The following USP25 variants were observed in gnomAD, a reference collection of about 807,000 sequenced individuals.
USP25 encodes the protein ubiquitin carboxyl-terminal hydrolase 25.
Under a neutral mutation model 158.5 loss-of-function variants are expected in USP25, and 85 were observed. The observed-to-expected ratio is 0.54, with a 90% CI of 0.45 to 0.64. USP25 has a LOEUF of 0.64. USP25 is among the 30% of genes least tolerant of loss of function. USP25 has a pLI of 0.00. For missense variants in USP25, 1,242 were observed against 1,327.3 expected (o/e 0.94, Z 1.00); for synonymous variants, 464 against 460.4 (o/e 1.01, Z -0.10).
intron 1 of USP25, among the ~76,000 whole-genome samples, chr21:15,740,785 T>C (rs1211656208): frequency 6.6e-6 from 1 of 151,802 alleles, no homozygotes. Context: ...AGATTAGTAT[T>C]CTTTGTACAA....
chr21:15,836,879 T>G (rs1216884008), intron 17 of USP25, among the ~76,000 whole-genome samples: 1 of 144,702 alleles, frequency 6.9e-6, no homozygotes, highest in Non-Finnish European at 1.5e-5. Flanking sequence ...ACCTGAATAC[T>G]GTTGTTGAGA....
chr21:15,752,378 G>A (rs1389963618), intron 1 of USP25, among the ~76,000 whole-genome samples: 1 of 152,080 alleles, frequency 6.6e-6, no homozygotes, highest in East Asian at 1.9e-4. Flanking sequence ...ACCATGCCTG[G>A]CTAATTTTTG....
intron 3 of USP25, among the ~76,000 whole-genome samples, chr21:15,771,830 C>G (rs2123462510): frequency 6.6e-6 from 1 of 152,250 alleles, no homozygotes; most frequent in East Asian, 1.9e-4. Context: ...AAACTCTTCA[C>G]TACCCAGTTT....
chr21:15,825,122 A>G (rs965233356), intron 12 of USP25, 61 bp downstream of exon 12: 1 of 1,262,364 alleles, frequency 7.9e-7, no homozygotes, highest in South Asian at 1.4e-5. Flanking sequence ...TGGTGACTAG[A>G]TTTTTAATTT....
At chr21:15,842,277 TTGAA>T (rs1416514913) in intron 17 of USP25, 117 bp from the exon 18 acceptor site, 4 of 1,076,992 alleles carry the variant, frequency 3.7e-6, no homozygotes, top group African/African-American at 1.6e-5. Flanking sequence ...ATATTTTACT[TTGAA>T]TGGAAGACTA....
rs529402465 is a variant in USP25, at chr21:15,778,280, C to A, written c.392+253C>A. On this transcript the variant is annotated intron_variant, in intron 4 of 25. Transcript: ENST00000400183. ...TAGGTGCATATTTTAATATTTCTTT[C>A]ATTTTTTTTCTTCCCCTAATCTTTT... Among the ~76,000 whole-genome samples, 85 of 152,060 alleles carry A rather than the reference C, an allele frequency of 5.6e-4. 1 individual carries two copies. Among genetic ancestry groups the A allele is most frequent in the Middle Eastern group, 6.8e-3 (2 of 294 alleles).
At chr21:15,740,882 C>T (rs548512791) in intron 1 of USP25, among the ~76,000 whole-genome samples, 1 of 151,790 alleles carries the variant, frequency 6.6e-6, no homozygotes, top group African/African-American at 2.4e-5. Context: ...CACCACCCCC[C>T]ACCCCCACAC....
chr21:15,852,272 T>C (rs1438651963), intron 20 of USP25, among the ~76,000 whole-genome samples: 1 of 152,010 alleles, frequency 6.6e-6, no homozygotes, highest in African/African-American at 2.4e-5. Flanking sequence ...TTTTTTCTGC[T>C]GGAAAAACAC....
At chr21:15,744,522 C>T (rs2032359581) in intron 1 of USP25, among the ~76,000 whole-genome samples, 1 of 152,000 alleles carries the variant, frequency 6.6e-6, no homozygotes, top group East Asian at 1.9e-4. Flanking sequence ...CCATGTTGGC[C>T]AGGCTGGTCT....
chr21:15,853,052 A>G (rs577412423), intron 20 of USP25, among the ~76,000 whole-genome samples: 46 of 152,292 alleles, frequency 3.0e-4, no homozygotes, highest in African/African-American at 1.1e-3. Flanking sequence ...AAAACTAACA[A>G]TGACAGTCTC....
rs147314273 is a variant in USP25, at chr21:15,745,633, G to A, written c.45+15195G>A. Among the ~76,000 whole-genome samples the A allele has an allele frequency of 2.4e-3, 365 of 151,640 alleles. 5 individuals are homozygous for A. The highest frequency in any genetic ancestry group is 0.01 in the Middle Eastern group (3 of 292). ...TGGGATTACAGGCATGCACCACCAC[G>A]CTCAGCTAATTTTTGTATTTTTAGT... On this transcript the variant is annotated intron_variant, in intron 1 of 25. Transcript: ENST00000400183.
rs777273218 is a variant in USP25, at chr21:15,830,518, C to T, written c.1694-13C>T. The T allele has an allele frequency of 8.1e-6, 13 of 1,596,948 alleles. No homozygotes were observed. The highest frequency in any genetic ancestry group is 2.3e-5 in the East Asian group (1 of 44,202). ...TTTGCTGTTAATCATTAAATGACAC[C>T]TTATATCCTTAGATTTGCAGGAAAG... On this transcript the variant is annotated splice_polypyrimidine_tract_variant and intron_variant, in intron 14 of 25. Coordinates refer to ENST00000400183, the MANE Select transcript of USP25 (RefSeq NM_001283041.3).
At chr21:15,786,626 C>T (rs574684277) in intron 4 of USP25, among the ~76,000 whole-genome samples, 16 of 152,074 alleles carry the variant, frequency 1.1e-4, no homozygotes, top group African/African-American at 1.9e-4. Context: ...TACCTCAACA[C>T]GGTAAAGACC....
chr21:15,854,911 G>A (rs1474675397), intron 20 of USP25, among the ~76,000 whole-genome samples: 1 of 152,144 alleles, frequency 6.6e-6, no homozygotes, highest in Non-Finnish European at 1.5e-5. Context: ...GTTAAAACTA[G>A]TTTCTACTAT....
At chr21:15,798,612 C>G (rs776697582) in intron 5 of USP25, among the ~76,000 whole-genome samples, 4 of 151,090 alleles carry the variant, frequency 2.6e-5, no homozygotes, top group African/African-American at 9.7e-5. Context: ...TAGTGTCTGG[C>G]ATATAGTAGA....
At chr21:15,831,680 C>A in intron 16 of USP25, 51 bp downstream of exon 16, 1 of 1,479,794 alleles carries the variant, frequency 6.8e-7, no homozygotes, top group East Asian at 2.3e-5. Flanking sequence ...AAAAGTGGCT[C>A]TGGTATGTGG....
At chr21:15,873,984 T>C (rs1354646314) in intron 23 of USP25, among the ~76,000 whole-genome samples, 1 of 152,120 alleles carries the variant, frequency 6.6e-6, no homozygotes, top group Non-Finnish European at 1.5e-5. Flanking sequence ...TAAGTTGTCA[T>C]TGAACAAACC....
intron 1 of USP25, among the ~76,000 whole-genome samples, chr21:15,737,823 G>A (rs922650056): frequency 9.3e-5 from 14 of 150,794 alleles, no homozygotes; most frequent in African/African-American, 3.2e-4. Flanking sequence ...AAGTGTTTTG[G>A]ATTTTGGACT....
In USP25 at chr21:15,730,312, G is replaced by C. The variant is rs2030656667; in HGVS notation, c.-82G>C. On this transcript the variant is annotated 5_prime_UTR_variant, in exon 1 of 26. Coordinates refer to ENST00000400183, the MANE Select transcript of USP25 (RefSeq NM_001283041.3). ...CCGTCCGCGCCGCTCCCTGGAGCTC[G>C]GCGGAGCGCGGCAGCCAGGGCCGGC... 1.9e-6 allele frequency: 2 copies of C among 1,026,934 alleles called. No homozygotes were observed. Among genetic ancestry groups the C allele is most frequent in the Non-Finnish European group, 1.2e-6 (1 of 858,488 alleles). 63.6% of individuals were successfully genotyped at this position (1,026,934 alleles called of 1,614,324 possible).
Sources: allele counts gnomAD v4.1 joint callset (sites outside exome capture counted in the v4.1 genomes callset), GRCh38; gene constraint gnomAD v4.1.1; transcripts MANE v1.5; gene names NCBI Gene and HGNC (gene_info 2026-07-23, HGNC 2026-07-21).